TRIM44: variants seen among roughly 807,000 people sequenced by gnomAD.
The protein encoded by TRIM44 is tripartite motif containing 44.
A neutral mutation model predicts 37.4 loss-of-function variants in TRIM44; 13 were observed. The observed-to-expected ratio is 0.35, with a 90% CI of 0.23 to 0.55. The LOEUF (loss-of-function observed/expected upper bound fraction) is 0.55. TRIM44 is among the 20% of genes least tolerant of loss of function. TRIM44 has a pLI of 0.89. For missense variants in TRIM44, 426 were observed against 437.2 expected, an observed-to-expected ratio of 0.97 and a Z score of 0.23; for synonymous variants, 175 against 157.2, an observed-to-expected ratio of 1.11 and a Z score of -0.85.
intron 4 of TRIM44, among the ~76,000 whole-genome samples, chr11:35,743,590 A>G (rs1852442885): frequency 6.6e-6 from 1 of 152,188 alleles, no homozygotes; most frequent in Admixed American, 6.5e-5. Context: ...GGAATTGTCT[A>G]TTTGATTTGT....
intron 4 of TRIM44, among the ~76,000 whole-genome samples, chr11:35,784,926 AT>A (rs1853110298): frequency 6.6e-6 from 1 of 152,188 alleles, no homozygotes; most frequent in Non-Finnish European, 1.5e-5. Flanking sequence ...CCTGACTCTT[AT>A]GTCAATACCT....
In TRIM44 at chr11:35,665,586, G is replaced by T. The variant is rs1450795251; in HGVS notation, c.669+1806G>T. On this transcript the variant is annotated intron_variant, in intron 1 of 4. Coordinates refer to ENST00000299413, the MANE Select transcript of TRIM44 (RefSeq NM_017583.6). ...TCATTATATGAGTTTTTATATATCT[G>T]TTTTTTTTTTTTTTTTTTTTTTTTT... is the stretch of plus-strand genomic sequence containing the variant. Among the ~76,000 whole-genome samples the T allele has an allele frequency of 1.0e-3, 74 of 71,500 alleles. 3 individuals are homozygous for T. Among genetic ancestry groups the T allele is most frequent in the South Asian group, 1.2e-3 (2 of 1,694 alleles). 46.9% of individuals were successfully genotyped at this position (71,500 alleles called of 152,430 possible). A position where few individuals can be genotyped will look rare whatever the true frequency, so the allele number is the denominator to read the frequency against.
At chr11:35,704,934 A>G (rs1246939539) in intron 2 of TRIM44, among the ~76,000 whole-genome samples, 7 of 150,372 alleles carry the variant, frequency 4.7e-5, no homozygotes, top group Non-Finnish European at 8.9e-5. Flanking sequence ...ATGTAAATGG[A>G]CTAAATGCTC....
intron 3 of TRIM44, among the ~76,000 whole-genome samples, chr11:35,730,206 A>C (rs1161302237): frequency 6.6e-6 from 1 of 152,234 alleles, no homozygotes; most frequent in African/African-American, 2.4e-5. Context: ...AAAATACAGT[A>C]ACTGACACCA....
At position 35,702,024 on chromosome 11, in the gene TRIM44, C is replaced by A. The variant is rs190982384; in HGVS notation, c.747+16688C>A. 1.4e-4 allele frequency among the ~76,000 whole-genome samples: 21 copies of A among 152,288 alleles called. 1 individual carries two copies. The highest frequency in any genetic ancestry group is 5.1e-4 in the African/African-American group (21 of 41,550). ...AAATCATCTTTTTTGTTTCATGGATCCATAGCAAAAGCCTCTCAATTTTGC... is the reference window on the plus strand; with the variant it reads ...AAATCATCTTTTTTGTTTCATGGATACATAGCAAAAGCCTCTCAATTTTGC... On this transcript the variant is annotated intron_variant, in intron 2 of 4. Transcript: ENST00000299413.
In TRIM44 at chr11:35,817,640, G is replaced by C. The variant is rs986810693; in HGVS notation, c.*11255G>C. The stretch of plus-strand genomic sequence containing the variant: ...CATGGAGACTAGTACTGCTCCAAAT[G>C]TGCACAAGCCATGTGATATGGTTTG... On this transcript the variant is annotated 3_prime_UTR_variant, in exon 5 of 5. Transcript: ENST00000299413. 1 of 152,146 alleles carries C rather than the reference G, an allele frequency of 6.6e-6. No homozygotes were observed. Among genetic ancestry groups the C allele is most frequent in the Non-Finnish European group, 1.5e-5 (1 of 68,040 alleles). The allele number at this position is 152,146 out of a possible 1,614,324, so 9.4% of individuals were successfully genotyped here.
At chr11:35,732,494 A>G (rs890856728) in intron 3 of TRIM44, among the ~76,000 whole-genome samples, 4 of 152,226 alleles carry the variant, frequency 2.6e-5, no homozygotes, top group South Asian at 4.1e-4. Flanking sequence ...ATTATTTACT[A>G]TGAGCCTTGT....
At chr11:35,799,926 C>A (rs1853344107) in intron 4 of TRIM44, among the ~76,000 whole-genome samples, 1 of 152,142 alleles carries the variant, frequency 6.6e-6, no homozygotes, top group Admixed American at 6.6e-5. Context: ...CGAAGTCAAA[C>A]TTTTTTTAAG....
At chr11:35,766,238 G>A (rs957016085) in intron 4 of TRIM44, among the ~76,000 whole-genome samples, 7 of 152,128 alleles carry the variant, frequency 4.6e-5, no homozygotes, top group Non-Finnish European at 8.8e-5. Context: ...TGTCTCAAAA[G>A]AAAACCCAGC....
chr11:35,731,469 T>C (rs1286219549), intron 3 of TRIM44, among the ~76,000 whole-genome samples: 1 of 152,228 alleles, frequency 6.6e-6, no homozygotes, highest in Non-Finnish European at 1.5e-5. Flanking sequence ...TTCAGTTTGC[T>C]TATATTTTGT....
intron 4 of TRIM44, among the ~76,000 whole-genome samples, chr11:35,764,615 C>A (rs564675480): frequency 6.6e-6 from 1 of 152,114 alleles, no homozygotes; most frequent in African/African-American, 2.4e-5. Context: ...AGAACCCGTT[C>A]GGCATCACAT....
chr11:35,783,941 A>G (rs1397273663), intron 4 of TRIM44, among the ~76,000 whole-genome samples: 1 of 152,200 alleles, frequency 6.6e-6, no homozygotes, highest in Non-Finnish European at 1.5e-5. Context: ...ACAGCCAGCA[A>G]AGGTTGCAGA....
intron 2 of TRIM44, among the ~76,000 whole-genome samples, chr11:35,692,991 C>T (rs775632975): frequency 2.6e-5 from 4 of 151,908 alleles, no homozygotes; most frequent in Non-Finnish European, 5.9e-5. Flanking sequence ...GAGCAATGGA[C>T]GATTCTTGAG....
chr11:35,701,058 T>C (rs1055426949), intron 2 of TRIM44, among the ~76,000 whole-genome samples: 12 of 152,154 alleles, frequency 7.9e-5, no homozygotes, highest in African/African-American at 2.9e-4. Context: ...GGTGGAGTCC[T>C]TGGAAGAACA....
Position 35,706,140 on chromosome 11 carries a change from G to A in TRIM44, c.748-19784G>A, listed in dbSNP as rs200171251. 1.4e-3 allele frequency among the ~76,000 whole-genome samples: 204 copies of A among 149,110 alleles called. 10 individuals carry two copies. The highest frequency in any genetic ancestry group is 7.2e-3 in the East Asian group (37 of 5,104). On this transcript the variant is annotated intron_variant, in intron 2 of 4. Transcript: ENST00000299413. The stretch of plus-strand genomic sequence containing the variant: ...CAGAGAATACTACAAACACCTCTAC[G>A]CAAATAAATTAGAAAATCTAGAAGA...
intron 4 of TRIM44, among the ~76,000 whole-genome samples, chr11:35,745,566 A>G (rs1405656364): frequency 3.3e-5 from 5 of 152,196 alleles, no homozygotes; most frequent in African/African-American, 4.8e-5. Flanking sequence ...AACGAAACCA[A>G]TTTTACCATA....
At chr11:35,805,243 G>A (rs184092716) in intron 4 of TRIM44, among the ~76,000 whole-genome samples, 51 of 152,284 alleles carry the variant, frequency 3.3e-4, no homozygotes, top group Admixed American at 1.4e-3. Context: ...GTAATTCAGT[G>A]CCCCGGTCCA....
At chr11:35,797,068 G>C (rs1853302417) in intron 4 of TRIM44, among the ~76,000 whole-genome samples, 1 of 152,180 alleles carries the variant, frequency 6.6e-6, no homozygotes, top group African/African-American at 2.4e-5. Flanking sequence ...TTTTAGGTCT[G>C]GGGAGGAAAT....
intron 2 of TRIM44, among the ~76,000 whole-genome samples, chr11:35,711,688 C>A (rs1191943249): frequency 6.6e-6 from 1 of 151,954 alleles, no homozygotes; most frequent in East Asian, 1.9e-4. Flanking sequence ...CCCAGGAGAT[C>A]GAGGCTGCAG....
Sources: gnomAD v4.1 joint callset for allele counts (sites outside exome capture counted in the v4.1 genomes callset) on GRCh38, gnomAD v4.1.1 for gene constraint, MANE v1.5 for transcripts, NCBI Gene and HGNC (gene_info 2026-07-23, HGNC 2026-07-21) for gene names.